CCDC178: variants seen among roughly 807,000 people sequenced by gnomAD.
CCDC178 encodes the protein coiled-coil domain containing 178.
A neutral mutation model predicts 117.4 loss-of-function variants in CCDC178; 126 were observed. The ratio of observed to expected loss-of-function variants is 1.07; its 90% confidence interval spans 0.93 to 1.24. CCDC178 has a LOEUF of 1.24. Among genes scored for constraint, CCDC178 ranks in the 50% most tolerant of loss-of-function variants. The pLI is 0.00. For synonymous variants in CCDC178, 283 were observed against 313.4 expected (o/e 0.90, Z 1.02); for missense variants, 1,030 against 986.9 (o/e 1.04, Z -0.59).
chr18:33,245,036 T>C lies in CCDC178; in HGVS notation c.1593+209A>G, dbSNP rs538249925. On this transcript the variant is annotated intron_variant, in intron 15 of 22. Coordinates refer to ENST00000383096, the MANE Select transcript of CCDC178 (RefSeq NM_001105528.4). ...TGATAATAGCAAAAAGTAGAAACAA[T>C]TGTGGATTAGCTACATTGAGCCCTC... 3.3e-5 allele frequency among the ~76,000 whole-genome samples: 5 copies of C among 152,078 alleles called. No individual in the cohort carries two copies. The East Asian group carries it at 7.8e-4, about 24-fold the overall frequency.
chr18:33,229,061 T>C (rs1402488758), intron 15 of CCDC178, among the ~76,000 whole-genome samples: 1 of 152,176 alleles, frequency 6.6e-6, no homozygotes, highest in Non-Finnish European at 1.5e-5. Context: ...AAGCTGACTC[T>C]AGAGTTAAGT....
chr18:33,102,210 C>A (rs923338124), intron 20 of CCDC178, among the ~76,000 whole-genome samples: 2 of 151,700 alleles, frequency 1.3e-5, no homozygotes, highest in African/African-American at 4.8e-5. Flanking sequence ...CAATTTCTTG[C>A]CCAAGGTCAC....
chr18:33,201,060 T>C (rs1425592846), intron 20 of CCDC178, among the ~76,000 whole-genome samples: 1 of 152,208 alleles, frequency 6.6e-6, no homozygotes, highest in African/African-American at 2.4e-5. Flanking sequence ...ATGTTGATAA[T>C]TTATTGTGTC....
intron 20 of CCDC178, among the ~76,000 whole-genome samples, chr18:33,142,840 C>T (rs2058223296): frequency 6.6e-6 from 1 of 152,018 alleles, no homozygotes; most frequent in Non-Finnish European, 1.5e-5. Context: ...CAGTTTTTGC[C>T]ATTTAAAGTA....
intron 20 of CCDC178, among the ~76,000 whole-genome samples, chr18:33,156,511 C>A (rs138169919): frequency 4.8e-4 from 72 of 151,304 alleles, no homozygotes; most frequent in Middle Eastern, 3.4e-3. Context: ...TCTCACTAAC[C>A]TGTTTGTGAT....
chr18:33,346,147 A>C, intron 9 of CCDC178, 64 bp downstream of exon 9: 1 of 1,252,614 alleles, frequency 8.0e-7, no homozygotes. Flanking sequence ...AAATATACAG[A>C]CCTGTAATTA....
intron 21 of CCDC178, among the ~76,000 whole-genome samples, chr18:33,029,582 A>T (rs555638700): frequency 1.2e-4 from 19 of 152,016 alleles, no homozygotes; most frequent in African/African-American, 4.1e-4. Context: ...TGGTGTTGTA[A>T]GACAGAAAGC....
At chr18:33,402,852 C>T (rs890734311) in intron 3 of CCDC178, among the ~76,000 whole-genome samples, 1 of 152,170 alleles carries the variant, frequency 6.6e-6, no homozygotes, top group Non-Finnish European at 1.5e-5. Context: ...GCTGCTGCAC[C>T]GCCATGCCTG....
At chr18:33,193,881 A>G (rs1028513623) in intron 20 of CCDC178, among the ~76,000 whole-genome samples, 2 of 152,224 alleles carry the variant, frequency 1.3e-5, no homozygotes, top group Admixed American at 1.3e-4. Context: ...ATGGTTCTGG[A>G]CACTGAGAAG....
At chr18:33,380,050 T>C (rs1599246099) in intron 5 of CCDC178, among the ~76,000 whole-genome samples, 2 of 152,274 alleles carry the variant, frequency 1.3e-5, no homozygotes, top group African/African-American at 4.8e-5. Context: ...GTACTCTGAA[T>C]GACTGGATTT....
chr18:33,236,484 TG>T (rs1183406382), intron 15 of CCDC178, among the ~76,000 whole-genome samples: 3 of 152,158 alleles, frequency 2.0e-5, no homozygotes, highest in African/African-American at 7.2e-5. Flanking sequence ...GATTAACCAT[TG>T]GGAATGGTTT....
At chr18:33,398,598 G>A (rs983350441) in intron 3 of CCDC178, among the ~76,000 whole-genome samples, 7 of 151,910 alleles carry the variant, frequency 4.6e-5, no homozygotes, top group South Asian at 2.1e-4. Context: ...CTGTATTTTC[G>A]GCAAGTAGCA....
Position 33,333,323 on chromosome 18 carries a change from G to A in CCDC178, c.730C>T (p.His244Tyr). 6.2e-7 allele frequency: 1 copy of A among 1,612,434 alleles called. No individual in the cohort carries two copies. Among genetic ancestry groups the A allele is most frequent in the African/African-American group, 1.3e-5 (1 of 74,930 alleles). ...AACTCTGTCTTTTGTTTTTCAAAATGTTGTAGTTGATTAGCTTTATCTTCA... is the reference window on the plus strand; with the variant it reads ...AACTCTGTCTTTTGTTTTTCAAAATATTGTAGTTGATTAGCTTTATCTTCA... The part of the protein sequence containing the change: ...HLEDKANQLQ[H>Y]FEKQKTELEE... Residue 244 changes from histidine to tyrosine, a missense_variant, in exon 10 of 23, where the codon CAT becomes TAT. Coordinates refer to ENST00000383096, the MANE Select transcript of CCDC178 (RefSeq NM_001105528.4).
chr18:33,148,682 G>A (rs768586647), intron 20 of CCDC178, among the ~76,000 whole-genome samples: 4 of 152,014 alleles, frequency 2.6e-5, no homozygotes, highest in African/African-American at 9.7e-5. Flanking sequence ...GGTGTCATGC[G>A]ACTGAGGATA....
At chr18:32,964,872 A>T (rs559090494) in intron 22 of CCDC178, among the ~76,000 whole-genome samples, 1 of 152,118 alleles carries the variant, frequency 6.6e-6, no homozygotes, top group Admixed American at 6.6e-5. Context: ...ACATTTCTAG[A>T]ATGTATTTCA....
At chr18:33,249,326 A>T (rs2059589293) in intron 14 of CCDC178, among the ~76,000 whole-genome samples, 1 of 152,018 alleles carries the variant, frequency 6.6e-6, no homozygotes, top group African/African-American at 2.4e-5. Context: ...GGTGTTTTAG[A>T]CATGAAGTCC....
chr18:33,262,749 C>T (rs910266124), intron 14 of CCDC178, among the ~76,000 whole-genome samples: 2 of 152,108 alleles, frequency 1.3e-5, no homozygotes, highest in African/African-American at 2.4e-5. Context: ...CTTATCTGTG[C>T]CCCAAAATAT....
At chr18:33,118,244 G>C (rs2057887091) in intron 20 of CCDC178, among the ~76,000 whole-genome samples, 1 of 152,026 alleles carries the variant, frequency 6.6e-6, no homozygotes, top group Non-Finnish European at 1.5e-5. Context: ...ATGCCTCCTA[G>C]TTGGGGCATT....
chr18:33,361,173 C>A (rs1278150512), intron 6 of CCDC178, among the ~76,000 whole-genome samples: 1 of 151,402 alleles, frequency 6.6e-6, no homozygotes, highest in African/African-American at 2.4e-5. Flanking sequence ...ATAGAGAGTC[C>A]AGAAATAAGT....
Sources: gnomAD v4.1 joint callset for allele counts (sites outside exome capture counted in the v4.1 genomes callset) on GRCh38, gnomAD v4.1.1 for gene constraint, MANE v1.5 for transcripts, NCBI Gene and HGNC (gene_info 2026-07-23, HGNC 2026-07-21) for gene names.